NALCN: variants seen among roughly 807,000 people sequenced by gnomAD.
NALCN encodes sodium leak channel NALCN.
A neutral mutation model predicts 225.3 loss-of-function variants in NALCN; 111 were observed. The ratio of observed to expected loss-of-function variants is 0.49; its 90% CI spans 0.42 to 0.58. The LOEUF is 0.58. NALCN is among the 20% of genes least tolerant of loss of function. NALCN has a pLI of 0.00. For synonymous variants in NALCN, 764 were observed against 769.0 expected, an observed-to-expected ratio of 0.99 and a Z score of 0.11; for missense variants, 1,378 against 2,202.4, an observed-to-expected ratio of 0.63 and a Z score of 7.49.
intron 28 of NALCN, among the ~76,000 whole-genome samples, 168 bp downstream of exon 28, chr13:101,095,406 C>T (rs1423550357): frequency 6.6e-6 from 1 of 152,056 alleles, no homozygotes; most frequent in Non-Finnish European, 1.5e-5. Flanking sequence ...TTATTTTTTA[C>T]CTTATTTCTA....
Position 101,081,651 on chromosome 13 carries a change from A to C in NALCN, c.3766-5T>G, listed in dbSNP as rs769697461. The C allele has an allele frequency of 1.3e-4, 203 of 1,613,682 alleles. 1 individual carries two copies. Among genetic ancestry groups the C allele is most frequent in the Non-Finnish European group, 3.4e-5 (40 of 1,179,908 alleles). Reference sequence around the variant, plus strand: ...TGCTATGATCTTCATGGTAACCTGGAGAAAAAGCAAAGAAGAAAATAAACA... The same window carrying C: ...TGCTATGATCTTCATGGTAACCTGGCGAAAAAGCAAAGAAGAAAATAAACA... On this transcript the variant is annotated splice_region_variant and splice_polypyrimidine_tract_variant and intron_variant, in intron 33 of 43. Transcript: ENST00000251127.
intron 1 of NALCN, among the ~76,000 whole-genome samples, chr13:101,400,788 T>C (rs2047454793): frequency 6.6e-6 from 1 of 151,948 alleles, no homozygotes; most frequent in Non-Finnish European, 1.5e-5. Flanking sequence ...CAAAATTTCA[T>C]CTTGAATTAT....
intron 10 of NALCN, among the ~76,000 whole-genome samples, chr13:101,279,832 AAATAAAATAAATAAATAAAT>A (rs1352720598): frequency 2.1e-5 from 1 of 48,144 alleles, no homozygotes; most frequent in African/African-American, 5.4e-5. Context: ...ATAAATAAAT[AAATAAAATAAATAAATAAAT>A]AAATAAATAA....
intron 6 of NALCN, among the ~76,000 whole-genome samples, chr13:101,360,220 CTCTCTCTCTCCT>C (rs1207734536): frequency 6.0e-5 from 8 of 132,264 alleles, no homozygotes; most frequent in Non-Finnish European, 1.2e-4. Flanking sequence ...CTCTCTCTCT[CTCTCTCTCTCCT>C]TCCTTCCTTC....
intron 6 of NALCN, among the ~76,000 whole-genome samples, chr13:101,353,932 T>C (rs1473779759): frequency 6.6e-6 from 1 of 152,236 alleles, no homozygotes; most frequent in Non-Finnish European, 1.5e-5. Context: ...GTTCCCCAAG[T>C]TGACTCCCTC....
At chr13:101,311,529 G>A (rs1037960744) in intron 7 of NALCN, among the ~76,000 whole-genome samples, 1,940 of 151,064 alleles carry the variant, frequency 0.013, 25 homozygotes, top group African/African-American at 0.036. Flanking sequence ...TTTGAGATAC[G>A]TCCCATCAAT....
intron 10 of NALCN, among the ~76,000 whole-genome samples, chr13:101,271,999 T>C (rs1472624409): frequency 1.3e-5 from 2 of 149,906 alleles, no homozygotes; most frequent in African/African-American, 2.5e-5. Context: ...CATGTGTGTG[T>C]CTGCGATTGT....
intron 13 of NALCN, 70 bp downstream of exon 13, chr13:101,229,323 C>G: frequency 7.6e-7 from 1 of 1,316,664 alleles, no homozygotes; most frequent in East Asian, 2.5e-5. Context: ...AGTGAAATTA[C>G]TTTGATGTTA....
At chr13:101,343,300 A>G (rs2045615159) in intron 7 of NALCN, among the ~76,000 whole-genome samples, 1 of 152,204 alleles carries the variant, frequency 6.6e-6, no homozygotes, top group Non-Finnish European at 1.5e-5. Flanking sequence ...TTATCTAACA[A>G]TTAGTCATAC....
intron 13 of NALCN, among the ~76,000 whole-genome samples, chr13:101,193,936 G>T (rs1427739209): frequency 6.6e-6 from 1 of 152,144 alleles, no homozygotes; most frequent in Non-Finnish European, 1.5e-5. Context: ...ACAGCAATAG[G>T]TGAAGAGTCA....
At chr13:101,372,144 C>T (rs1390263251) in intron 6 of NALCN, among the ~76,000 whole-genome samples, 1 of 152,022 alleles carries the variant, frequency 6.6e-6, no homozygotes. Context: ...AAGGTCAGCC[C>T]ATCTGAAAGA....
chr13:101,067,852 A>C, intron 39 of NALCN, 66 bp downstream of exon 39: 1 of 1,085,182 alleles, frequency 9.2e-7, no homozygotes, highest in South Asian at 1.3e-5. Context: ...AAAACCATTT[A>C]AGTGTTTGAG....
rs1451992613 is a variant in NALCN, at chr13:101,062,183, G to A, written c.4605-65C>T. On this transcript the variant is annotated intron_variant, in intron 40 of 43. Transcript: ENST00000251127. ...ACCTGAGATTTACACCCTTAGATAC[G>A]TCAAAATCCAGAGAGGACATCACTC... The A allele has an allele frequency of 7.7e-6, 12 of 1,556,442 alleles. No homozygotes were observed. In the East Asian group the frequency reaches 1.4e-4, roughly 18 times the overall value.
intron 1 of NALCN, among the ~76,000 whole-genome samples, chr13:101,409,021 A>C (rs1412818076): frequency 2.6e-5 from 4 of 151,766 alleles, no homozygotes; most frequent in African/African-American, 9.7e-5. Context: ...TTCTAGAAAA[A>C]CTCCAAAACT....
chr13:101,378,674 G>T, intron 3 of NALCN, 21 bp from the exon 4 acceptor site: 1 of 1,565,146 alleles, frequency 6.4e-7, no homozygotes, highest in Non-Finnish European at 8.7e-7. Context: ...ATTTTACATG[G>T]CATTATTAGG....
At chr13:101,084,065 G>A (rs1380771043) in intron 30 of NALCN, among the ~76,000 whole-genome samples, 1 of 152,054 alleles carries the variant, frequency 6.6e-6, no homozygotes, top group Non-Finnish European at 1.5e-5. Flanking sequence ...ATTCAGGTTT[G>A]GGAAAATGTA....
intron 18 of NALCN, among the ~76,000 whole-genome samples, chr13:101,119,086 C>T (rs1428050164): frequency 6.6e-6 from 1 of 152,096 alleles, no homozygotes; most frequent in African/African-American, 2.4e-5. Context: ...GCATGTGAGA[C>T]ACTACAGAGA....
rs745925932 is a variant in NALCN, at chr13:101,268,938, T to C, written c.1135-10364A>G. ...TTTGTGGCCTACATTTATGGATTAG[T>C]AGGAGAAAGGAAAAGTAAATGATGA... On this transcript the variant is annotated intron_variant, in intron 10 of 43. Coordinates refer to ENST00000251127, the MANE Select transcript of NALCN (RefSeq NM_052867.4). Among the ~76,000 whole-genome samples the C allele has an allele frequency of 7.2e-5, 11 of 152,274 alleles. No homozygotes were observed. In the South Asian group the frequency reaches 2.3e-3, roughly 32 times the overall value.
intron 17 of NALCN, among the ~76,000 whole-genome samples, chr13:101,135,734 C>T (rs1170603967): frequency 6.6e-6 from 1 of 152,132 alleles, no homozygotes; most frequent in Non-Finnish European, 1.5e-5. Context: ...GACTCAACAC[C>T]ATCATCAGCA....
Sources: allele counts gnomAD v4.1 joint callset (sites outside exome capture counted in the v4.1 genomes callset), GRCh38; gene constraint gnomAD v4.1.1; transcripts MANE v1.5; gene names NCBI Gene and HGNC (gene_info 2026-07-23, HGNC 2026-07-21).